TENM1: variants seen among roughly 807,000 people sequenced by gnomAD.
TENM1 encodes the protein teneurin-1.
A neutral mutation model predicts 174.8 loss-of-function variants in TENM1; 35 were observed. That is an observed-to-expected ratio of 0.20 (90% confidence interval 0.15 to 0.27). The LOEUF is 0.27. TENM1 is among the 10% of genes least tolerant of loss of function. TENM1 has a pLI of 1.00. For missense variants in TENM1, 1,633 were observed against 2,130.1 expected (o/e 0.77, Z 4.59); for synonymous variants, 781 against 798.7 (o/e 0.98, Z 0.37).
At chrX:124,899,571 C>T (rs1347251032) in intron 1 of TENM1, among the ~76,000 whole-genome samples, 1 of 111,451 alleles carries the variant, frequency 9.0e-6, no homozygotes, top group East Asian at 2.8e-4. Flanking sequence ...ATGAATAGTG[C>T]TGCAATGAAC....
chrX:124,862,377 G>T (rs1056949955), intron 3 of TENM1, among the ~76,000 whole-genome samples: 1 of 111,674 alleles, frequency 9.0e-6, no homozygotes, highest in African/African-American at 3.3e-5. Flanking sequence ...AGAAAAAACA[G>T]TCCTGAATTA....
Position 124,736,938 on chromosome X carries a change from T to A in TENM1, c.776+19A>T. The A allele has an allele frequency of 8.4e-7, 1 of 1,191,620 alleles. No individual in the cohort carries two copies. Among genetic ancestry groups the A allele is most frequent in the Non-Finnish European group, 1.1e-6 (1 of 885,369 alleles). ...CTGCCAATACTTAAGTTTAGTGGGA[T>A]CAATAATAGCTCAAGTACCTGGTCT... is the stretch of plus-strand genomic sequence containing the variant. On this transcript the variant is annotated intron_variant, in intron 4 of 31. Coordinates refer to ENST00000422452, the Ensembl canonical transcript of TENM1.
At chrX:124,610,938 G>T (rs1280063063) in intron 11 of TENM1, among the ~76,000 whole-genome samples, 1 of 111,108 alleles carries the variant, frequency 9.0e-6, no homozygotes, top group Non-Finnish European at 1.9e-5. Flanking sequence ...AAAGTCACGG[G>T]TTACTCAGTA....
chrX:124,577,664 T>A (rs1445862448), intron 11 of TENM1, among the ~76,000 whole-genome samples: 3 of 111,701 alleles, frequency 2.7e-5, no homozygotes, highest in African/African-American at 9.8e-5. Flanking sequence ...TGGAGTAAAG[T>A]ATTTGACTTT....
chrX:124,914,716 T>C (rs1486258054), intron 1 of TENM1, among the ~76,000 whole-genome samples: 1 of 111,193 alleles, frequency 9.0e-6, no homozygotes, highest in Admixed American at 9.6e-5. Context: ...GTTTTTTCCA[T>C]TTTCACATTC....
At chrX:124,831,080 TC>T (rs979396701) in intron 3 of TENM1, among the ~76,000 whole-genome samples, 2 of 111,847 alleles carry the variant, frequency 1.8e-5, no homozygotes, top group African/African-American at 6.5e-5. Context: ...TTTTACCTTA[TC>T]CCGAAAGCAA....
At chrX:124,515,991 A>C (rs774022169) in intron 18 of TENM1, among the ~76,000 whole-genome samples, 1 of 111,785 alleles carries the variant, frequency 8.9e-6, no homozygotes, top group Non-Finnish European at 1.9e-5. Context: ...TGGTACTGGT[A>C]TAAAAACAGA....
At chrX:124,665,104 G>A (rs1369328792) in intron 6 of TENM1, among the ~76,000 whole-genome samples, 3 of 111,879 alleles carry the variant, frequency 2.7e-5, no homozygotes, top group East Asian at 5.6e-4. Context: ...TTGGGAGGCC[G>A]AGGCGGGCAG....
chrX:124,851,964 T>C (rs2056727803), intron 3 of TENM1, among the ~76,000 whole-genome samples: 1 of 110,904 alleles, frequency 9.0e-6, no homozygotes, highest in African/African-American at 3.3e-5. Flanking sequence ...GTGACTTACC[T>C]TGTGAGATTT....
chrX:124,490,876 G>A (rs1046666685), intron 20 of TENM1, among the ~76,000 whole-genome samples: 4 of 112,046 alleles, frequency 3.6e-5, no homozygotes, highest in African/African-American at 1.3e-4. Context: ...TTGATATGGT[G>A]TCTCCTATTT....
intron 1 of TENM1, among the ~76,000 whole-genome samples, chrX:124,922,441 T>C (rs1349567675): frequency 9.0e-6 from 1 of 111,126 alleles, no homozygotes; most frequent in East Asian, 2.8e-4. Flanking sequence ...TAATTGCACA[T>C]TGAAATTTTG....
chrX:124,773,060 C>T lies in TENM1; in HGVS notation c.536-35863G>A, dbSNP rs148834152. On this transcript the variant is annotated intron_variant, in intron 3 of 31. Transcript: ENST00000422452. The stretch of plus-strand genomic sequence containing the variant: ...TTTAGGGCAATTTCCTTGAATCAAA[C>T]GATGTCCTACACTAAAAAAGCAGCA... 7.4e-4 allele frequency among the ~76,000 whole-genome samples: 83 copies of T among 111,828 alleles called. 1 individual carries two copies. The East Asian group carries it at 0.021, about 28-fold the overall frequency.
intron 3 of TENM1, among the ~76,000 whole-genome samples, chrX:124,744,265 A>T (rs763392196): frequency 2.1e-4 from 23 of 112,021 alleles, no homozygotes; most frequent in Non-Finnish European, 4.1e-4. Flanking sequence ...AGATGGATAT[A>T]ACTCTGCTAA....
chrX:124,443,873 T>C (rs1326935063), intron 23 of TENM1, among the ~76,000 whole-genome samples: 2 of 112,009 alleles, frequency 1.8e-5, no homozygotes, highest in Admixed American at 9.4e-5. Context: ...GTTTTGACTG[T>C]GACACTCACT....
chrX:124,715,207 C>T (rs755041838), intron 4 of TENM1, among the ~76,000 whole-genome samples: 4 of 111,805 alleles, frequency 3.6e-5, no homozygotes, highest in African/African-American at 1.3e-4. Flanking sequence ...GGTAGGTGAG[C>T]TTATCAATCC....
chrX:125,135,909 A>G, the TENM1 span, among the ~76,000 whole-genome samples: 1 of 111,861 alleles, frequency 8.9e-6, no homozygotes, highest in East Asian at 2.8e-4. Context: ...TTGTTGGACT[A>G]TGTGTCCTAA....
At chrX:124,904,833 T>A (rs2057720122) in intron 1 of TENM1, among the ~76,000 whole-genome samples, 2 of 111,955 alleles carry the variant, frequency 1.8e-5, no homozygotes, top group South Asian at 7.4e-4. Context: ...AAAGCCTTGG[T>A]AAAAGACCAT....
intron 25 of TENM1, among the ~76,000 whole-genome samples, chrX:124,410,840 C>T (rs756971385): frequency 2.9e-4 from 33 of 112,234 alleles, no homozygotes; most frequent in African/African-American, 9.0e-4. Flanking sequence ...TCTATCATTC[C>T]TCCAGGAAAG....
rs373896937 is a variant in TENM1 at position 124,901,465 on chromosome X, C to T, written c.218-5224G>A. On this transcript the variant is annotated intron_variant, in intron 1 of 31. Transcript: ENST00000422452. ...CTGTATCAGTGTTTTTCTAGAAATGCCATTTCTGTGTTTTGTTTTGTTTGT... is the reference window on the plus strand; with the variant it reads ...CTGTATCAGTGTTTTTCTAGAAATGTCATTTCTGTGTTTTGTTTTGTTTGT... 7.2e-5 allele frequency among the ~76,000 whole-genome samples: 8 copies of T among 111,015 alleles called. No individual in the cohort carries two copies. The South Asian group carries it at 2.7e-3, about 37-fold the overall frequency.
Sources: gnomAD v4.1 joint callset for allele counts (sites outside exome capture counted in the v4.1 genomes callset) on GRCh38, gnomAD v4.1.1 for gene constraint, MANE v1.5 for transcripts, NCBI Gene and HGNC (gene_info 2026-07-23, HGNC 2026-07-21) for gene names.